The following PPP2R2B variants were observed in gnomAD, a reference collection of about 807,000 sequenced individuals.
PPP2R2B encodes the protein protein phosphatase 2 regulatory subunit Bbeta.
Under a neutral mutation model 46.0 loss-of-function variants are expected in PPP2R2B, and 5 were observed. The ratio of observed to expected loss-of-function variants is 0.11; its 90% CI spans 0.06 to 0.23. The LOEUF is 0.23. Ranked by LOEUF, PPP2R2B falls within the 10% of genes least tolerant of loss-of-function variation. The pLI is 1.00. For missense variants in PPP2R2B, 367 were observed against 575.0 expected (o/e 0.64, Z 3.70); for synonymous variants, 215 against 206.7 (o/e 1.04, Z -0.34).
chr5:147,055,112 GA>G (rs1219650406), intron 1 of PPP2R2B, among the ~76,000 whole-genome samples: 1 of 152,194 alleles, frequency 6.6e-6, no homozygotes, highest in Non-Finnish European at 1.5e-5. Context: ...AGGACCCCCA[GA>G]AACCACATTT....
rs567805556 is a variant in PPP2R2B, at chr5:146,664,881, A to C, written c.448-14157T>G. 4.9e-4 allele frequency among the ~76,000 whole-genome samples: 74 copies of C among 152,298 alleles called. 1 individual carries two copies. Among genetic ancestry groups the C allele is most frequent in the African/African-American group, 1.4e-3 (59 of 41,566 alleles). On this transcript the variant is annotated intron_variant, in intron 5 of 9. Coordinates refer to ENST00000394411, the MANE Select transcript of PPP2R2B (RefSeq NM_181675.4). ...AACATTAATCTCCTTGTACTTCTCC[A>C]TCAGAGCTCTTGGGTGACTAGGTGC... is the stretch of plus-strand genomic sequence containing the variant.
intron 1 of PPP2R2B, among the ~76,000 whole-genome samples, chr5:147,009,864 TAC>T (rs201299020): frequency 0.049 from 6,615 of 136,148 alleles, 169 homozygotes; most frequent in Non-Finnish European, 0.056. Flanking sequence ...CACACACACA[TAC>T]ACACACACAC....
At chr5:146,600,511 C>T (rs1478234594) in intron 7 of PPP2R2B, 51 bp from the exon 8 acceptor site, 1 of 1,577,320 alleles carries the variant, frequency 6.3e-7, no homozygotes, top group African/African-American at 1.4e-5. Flanking sequence ...TATCAACTGA[C>T]TCTAACATGT....
chr5:146,625,278 A>C (rs1773973117), intron 7 of PPP2R2B, among the ~76,000 whole-genome samples: 1 of 152,186 alleles, frequency 6.6e-6, no homozygotes, highest in Admixed American at 6.5e-5. Flanking sequence ...TTTAATGTTC[A>C]TGTAAGTTAA....
At chr5:146,698,327 T>A (rs1359626718) in intron 3 of PPP2R2B, among the ~76,000 whole-genome samples, 183 bp from the exon 4 acceptor site, 3,373 of 101,808 alleles carry the variant, frequency 0.033, 111 homozygotes, top group East Asian at 0.1. Flanking sequence ...AATATATATA[T>A]ATATATATAT....
rs545238986 is a variant in PPP2R2B at position 146,997,622 on chromosome 5, G to A, written c.79+58043C>T. On this transcript the variant is annotated intron_variant, in intron 1 of 8. Transcript: ENST00000336640. ...ATGTGAGACCAATACATTAAAACAT[G>A]GAGTAATAAAAGGAAAAATACTACT... Among the ~76,000 whole-genome samples, 3 of 152,138 alleles carry A rather than the reference G, an allele frequency of 2.0e-5. No individual in the cohort carries two copies. In the East Asian group the frequency reaches 5.8e-4, roughly 29 times the overall value.
rs754171925 is a variant in PPP2R2B, at chr5:146,691,248, G to T, written c.335-8C>A. The T allele has an allele frequency of 1.8e-5, 29 of 1,610,522 alleles. No individual in the cohort carries two copies. Among genetic ancestry groups the T allele is most frequent in the Middle Eastern group, 1.6e-4 (1 of 6,078 alleles). The stretch of plus-strand genomic sequence containing the variant: ...ACAGCTTCACAGTTTTATCTGTAGT[G>T]GGCAACCAGATTAAGTCAGAATTAT... On this transcript the variant is annotated splice_polypyrimidine_tract_variant and splice_region_variant and intron_variant, in intron 4 of 9. Coordinates refer to ENST00000394411, the MANE Select transcript of PPP2R2B (RefSeq NM_181675.4).
At chr5:146,829,685 G>T (rs1321363968) in intron 2 of PPP2R2B, among the ~76,000 whole-genome samples, 1 of 152,138 alleles carries the variant, frequency 6.6e-6, no homozygotes, top group African/African-American at 2.4e-5. Flanking sequence ...CGCAGGTTAA[G>T]GTTTCATACA....
chr5:146,814,001 T>C (rs1757783057), intron 2 of PPP2R2B, among the ~76,000 whole-genome samples: 1 of 152,084 alleles, frequency 6.6e-6, no homozygotes. Flanking sequence ...CTAAACCCTC[T>C]CACTTGAAGA....
chr5:146,967,407 A>T (rs1439872757), intron 1 of PPP2R2B, among the ~76,000 whole-genome samples: 1 of 152,210 alleles, frequency 6.6e-6, no homozygotes, highest in Admixed American at 6.5e-5. Context: ...TTTAATCCTT[A>T]TAACAGCCCT....
At chr5:146,987,412 A>G (rs1403368072) in intron 1 of PPP2R2B, among the ~76,000 whole-genome samples, 1 of 152,106 alleles carries the variant, frequency 6.6e-6, no homozygotes, top group Non-Finnish European at 1.5e-5. Context: ...AAAAATAATA[A>G]TTACAATGAT....
rs58353517 is a variant in PPP2R2B at position 146,726,375 on chromosome 5, C to T, written c.71-25233G>A. ...GGAACACAGGACTTTTTGGCTCTAG[C>T]GAGTTTATAGTCTCAAAGGGATTCT... On this transcript the variant is annotated intron_variant, in intron 2 of 9. Coordinates refer to ENST00000394411, the MANE Select transcript of PPP2R2B (RefSeq NM_181675.4). 7.8e-4 allele frequency among the ~76,000 whole-genome samples: 119 copies of T among 152,164 alleles called. 1 individual carries two copies. In the East Asian group the frequency reaches 0.014, roughly 18 times the overall value.
intron 2 of PPP2R2B, among the ~76,000 whole-genome samples, chr5:146,779,280 G>A (rs1313103573): frequency 6.6e-6 from 1 of 152,138 alleles, no homozygotes; most frequent in Non-Finnish European, 1.5e-5. Context: ...AGACTGAAGG[G>A]GCTGGATGCT....
At chr5:146,941,659 A>G (rs573931868) in intron 1 of PPP2R2B, among the ~76,000 whole-genome samples, 2 of 152,306 alleles carry the variant, frequency 1.3e-5, no homozygotes, top group South Asian at 4.1e-4. Flanking sequence ...TCAGATTACT[A>G]TATTGGATGC....
chr5:146,945,343 C>G (rs1764446690), intron 1 of PPP2R2B, among the ~76,000 whole-genome samples: 1 of 152,138 alleles, frequency 6.6e-6, no homozygotes, highest in Non-Finnish European at 1.5e-5. Context: ...AGGAAAGCAA[C>G]CTAAAACTGG....
chr5:146,582,027 T>C lies in PPP2R2B; in HGVS notation c.*7920A>G, dbSNP rs1482927067. 6.6e-6 allele frequency: 1 copy of C among 152,264 alleles called. No homozygotes were observed. The highest frequency in any genetic ancestry group is 1.9e-4 in the East Asian group (1 of 5,192). The allele number at this position is 152,264 out of a possible 1,614,324, so 9.4% of individuals were successfully genotyped here. A position where few individuals can be genotyped will look rare whatever the true frequency, so the allele number is the denominator to read the frequency against. ...GACCCTATTGTTCATCCCCCTCCAA[T>C]TTATTGTTGTATTTCCCAGCTGCCC... is the stretch of plus-strand genomic sequence containing the variant. On this transcript the variant is annotated 3_prime_UTR_variant, in exon 10 of 10. Coordinates refer to ENST00000394411, the MANE Select transcript of PPP2R2B (RefSeq NM_181675.4).
intron 6 of PPP2R2B, 118 bp from the exon 7 acceptor site, chr5:146,638,533 T>C (rs1774975050): frequency 6.4e-6 from 6 of 936,202 alleles, no homozygotes; most frequent in East Asian, 2.8e-5. Context: ...GCTATGCACA[T>C]GGTAGATCCT....
intron 7 of PPP2R2B, among the ~76,000 whole-genome samples, chr5:146,618,990 AC>A (rs1472539852): frequency 6.6e-6 from 1 of 152,020 alleles, no homozygotes; most frequent in Non-Finnish European, 1.5e-5. Flanking sequence ...CAACAGTCCT[AC>A]CCCCTTGTCC....
intron 1 of PPP2R2B, among the ~76,000 whole-genome samples, chr5:147,026,189 G>A (rs976365445): frequency 1.3e-5 from 2 of 152,092 alleles, no homozygotes; most frequent in African/African-American, 4.8e-5. Context: ...TTCATAGCAA[G>A]TTTATTTATA....
Sources: allele counts gnomAD v4.1 joint callset (sites outside exome capture counted in the v4.1 genomes callset), GRCh38; gene constraint gnomAD v4.1.1; transcripts MANE v1.5; gene names NCBI Gene and HGNC (gene_info 2026-07-23, HGNC 2026-07-21).